The following PTPRR variants were observed in gnomAD, a reference collection of about 807,000 sequenced individuals.
PTPRR encodes receptor-type tyrosine-protein phosphatase R.
PTPRR carries 38 observed loss-of-function variants against 77.2 expected under a neutral mutation model. That is an observed-to-expected ratio of 0.49 (90% confidence interval 0.38 to 0.65). The LOEUF is 0.65. PTPRR is among the 30% of genes least tolerant of loss of function. The pLI is 0.00. For missense variants in PTPRR, 744 were observed against 799.2 expected, an observed-to-expected ratio of 0.93 and a Z score of 0.83; for synonymous variants, 299 against 283.1, an observed-to-expected ratio of 1.06 and a Z score of -0.57.
intron 1 of PTPRR, among the ~76,000 whole-genome samples, chr12:70,905,050 T>C (rs1228118221): frequency 6.6e-6 from 1 of 150,528 alleles, no homozygotes; most frequent in African/African-American, 2.5e-5. Flanking sequence ...AGAATGCAGC[T>C]GGAATAATTA....
intron 5 of PTPRR, among the ~76,000 whole-genome samples, chr12:70,753,905 C>CA (rs1420016885): frequency 6.6e-6 from 1 of 152,126 alleles, no homozygotes; most frequent in African/African-American, 2.4e-5. Flanking sequence ...TTGAGGGCTT[C>CA]AGTGACCTCA....
At chr12:70,784,248 C>A (rs1190467055) in intron 2 of PTPRR, among the ~76,000 whole-genome samples, 5 of 152,168 alleles carry the variant, frequency 3.3e-5, no homozygotes, top group Admixed American at 2.0e-4. Flanking sequence ...GGCCTGGACA[C>A]CTTGCAGTTG....
At chr12:70,668,789 C>A (rs1362116408) in intron 10 of PTPRR, among the ~76,000 whole-genome samples, 2 of 152,040 alleles carry the variant, frequency 1.3e-5, no homozygotes, top group Non-Finnish European at 2.9e-5. Flanking sequence ...TTACTACATA[C>A]CCACAAAATT....
chr12:70,694,455 T>C (rs1327790374), intron 8 of PTPRR, among the ~76,000 whole-genome samples: 1 of 152,166 alleles, frequency 6.6e-6, no homozygotes, highest in Non-Finnish European at 1.5e-5. Context: ...ACATACACCA[T>C]GGAACACCAT....
intron 4 of PTPRR, among the ~76,000 whole-genome samples, chr12:70,756,509 T>A (rs1011667090): frequency 2.0e-5 from 3 of 152,166 alleles, no homozygotes; most frequent in African/African-American, 7.2e-5. Context: ...GTTAACCCCA[T>A]GCTTTTTATA....
intron 1 of PTPRR, among the ~76,000 whole-genome samples, chr12:70,911,321 C>T (rs1294714462): frequency 2.0e-5 from 3 of 152,228 alleles, no homozygotes; most frequent in African/African-American, 7.2e-5. Flanking sequence ...GAGTAGACAA[C>T]AGATGGGAAG....
chr12:70,827,462 G>A (rs1044387174), intron 2 of PTPRR, among the ~76,000 whole-genome samples: 3 of 152,164 alleles, frequency 2.0e-5, no homozygotes, highest in Non-Finnish European at 4.4e-5. Flanking sequence ...TTCATAGACA[G>A]TTGTCTTCTT....
intron 2 of PTPRR, among the ~76,000 whole-genome samples, chr12:70,805,540 G>C (rs1386702496): frequency 6.6e-6 from 1 of 151,958 alleles, no homozygotes; most frequent in Admixed American, 6.6e-5. Flanking sequence ...TTTTAAACTT[G>C]TGCAGAGATA....
chr12:70,826,338 G>A (rs1279832674), intron 2 of PTPRR, among the ~76,000 whole-genome samples: 1 of 152,172 alleles, frequency 6.6e-6, no homozygotes, highest in Non-Finnish European at 1.5e-5. Flanking sequence ...AGGGTGGGAA[G>A]GGCTGGGCAT....
At chr12:70,685,860 T>C (rs1887848832) in intron 8 of PTPRR, among the ~76,000 whole-genome samples, 1 of 152,128 alleles carries the variant, frequency 6.6e-6, no homozygotes, top group South Asian at 2.1e-4. Flanking sequence ...TCCTTCCCCA[T>C]TTTTCAGATA....
intron 2 of PTPRR, among the ~76,000 whole-genome samples, chr12:70,789,870 C>T (rs1225376370): frequency 6.6e-6 from 1 of 151,998 alleles, no homozygotes; most frequent in Non-Finnish European, 1.5e-5. Flanking sequence ...ATCTTTAATC[C>T]AGTAATTCCC....
Position 70,737,486 on chromosome 12 carries a change from ATATCTATCTATC to A in PTPRR, c.1007+8320_1007+8331del, listed in dbSNP as rs10643938. Among the ~76,000 whole-genome samples the A allele has an allele frequency of 6.8e-3, 980 of 144,228 alleles. 10 individuals are homozygous for A. Among genetic ancestry groups the A allele is most frequent in the Middle Eastern group, 0.021 (6 of 282 alleles). 94.6% of individuals were successfully genotyped at this position (144,228 alleles called of 152,430 possible). The stretch of plus-strand genomic sequence containing the variant: ...TTTCGATTATGGGTCTATTTAATGA[ATATCTATCTATC>A]TATCTATCTATCTATCTATCTATCT... On this transcript the variant is annotated intron_variant, in intron 6 of 13. Transcript: ENST00000283228.
intron 6 of PTPRR, among the ~76,000 whole-genome samples, chr12:70,733,984 A>G (rs902066256): frequency 3.9e-5 from 6 of 152,154 alleles, no homozygotes; most frequent in Non-Finnish European, 5.9e-5. Context: ...TAGCTTTATG[A>G]CACATTTCCA....
At chr12:70,814,976 T>C (rs117988770) in intron 2 of PTPRR, among the ~76,000 whole-genome samples, 3,884 of 151,660 alleles carry the variant, frequency 0.026, 76 homozygotes, top group Middle Eastern at 0.048. Flanking sequence ...ATAAAACCAA[T>C]AATGCAGAGA....
intron 2 of PTPRR, among the ~76,000 whole-genome samples, chr12:70,807,209 A>T (rs1484861522): frequency 6.6e-6 from 1 of 152,196 alleles, no homozygotes; most frequent in Non-Finnish European, 1.5e-5. Context: ...TAGACAAGTA[A>T]AGGGATGGGA....
chr12:70,662,940 T>G (rs984825912), intron 10 of PTPRR, among the ~76,000 whole-genome samples: 1 of 151,698 alleles, frequency 6.6e-6, no homozygotes, highest in Non-Finnish European at 1.5e-5. Context: ...GTTAAGAAAT[T>G]TAAGAGTTAA....
intron 2 of PTPRR, among the ~76,000 whole-genome samples, chr12:70,858,560 T>A (rs1412035350): frequency 6.8e-6 from 1 of 147,174 alleles, no homozygotes; most frequent in Non-Finnish European, 1.5e-5. Flanking sequence ...CCTATTAGAG[T>A]TTGGGCACTT....
intron 2 of PTPRR, among the ~76,000 whole-genome samples, chr12:70,773,210 C>A (rs1285804101): frequency 6.6e-6 from 1 of 152,072 alleles, no homozygotes; most frequent in East Asian, 1.9e-4. Flanking sequence ...CTCTTGTTAA[C>A]TTTTGTTACA....
At chr12:70,802,365 T>C (rs2137021364) in intron 2 of PTPRR, among the ~76,000 whole-genome samples, 1 of 152,314 alleles carries the variant, frequency 6.6e-6, no homozygotes, top group South Asian at 2.1e-4. Flanking sequence ...GCAAATTATA[T>C]TGAGAAGACT....
Sources: allele counts gnomAD v4.1 joint callset (sites outside exome capture counted in the v4.1 genomes callset), GRCh38; gene constraint gnomAD v4.1.1; transcripts MANE v1.5; gene names NCBI Gene and HGNC (gene_info 2026-07-23, HGNC 2026-07-21).